TENM2: variants seen among roughly 807,000 people sequenced by gnomAD.
The protein encoded by TENM2 is teneurin-2.
A neutral mutation model predicts 245.2 loss-of-function variants in TENM2; 52 were observed. The ratio of observed to expected loss-of-function variants is 0.21; its 90% CI spans 0.17 to 0.27. The LOEUF (loss-of-function observed/expected upper bound fraction) is 0.27. TENM2 is among the 10% of genes least tolerant of loss of function. The probability of loss-of-function intolerance (pLI) is 1.00; values close to 1 mark genes in which losing one functional copy is unlikely to be tolerated. For missense variants in TENM2, 3,046 were observed against 3,666.8 expected (o/e 0.83, Z 4.37); for synonymous variants, 1,363 against 1,438.9 (o/e 0.95, Z 1.19).
At chr5:167,836,383 T>G (rs918538375) in intron 2 of TENM2, among the ~76,000 whole-genome samples, 1 of 152,228 alleles carries the variant, frequency 6.6e-6, no homozygotes, top group Non-Finnish European at 1.5e-5. Context: ...TGGAAACATC[T>G]AAGACCACTT....
At chr5:167,644,824 C>T (rs1486941973) in intron 2 of TENM2, among the ~76,000 whole-genome samples, 4 of 152,270 alleles carry the variant, frequency 2.6e-5, no homozygotes, top group East Asian at 3.9e-4. Flanking sequence ...TACTCAGTGA[C>T]GTACAGTCAT....
chr5:167,756,500 GT>G (rs1354481469), intron 2 of TENM2, among the ~76,000 whole-genome samples: 4 of 152,098 alleles, frequency 2.6e-5, no homozygotes, highest in African/African-American at 9.7e-5. Flanking sequence ...CAAAGTGATG[GT>G]TCCACAGTGG....
chr5:167,143,410 A>AT, the TENM2 span, among the ~76,000 whole-genome samples: 1 of 152,084 alleles, frequency 6.6e-6, no homozygotes, highest in Non-Finnish European at 1.5e-5. Flanking sequence ...GGATGCCTGT[A>AT]TTTTATCTTC....
chr5:167,258,581 C>A, the TENM2 span, among the ~76,000 whole-genome samples: 5 of 151,970 alleles, frequency 3.3e-5, no homozygotes, highest in Non-Finnish European at 7.4e-5. Context: ...TTTTGAACAT[C>A]CTTATTTAGA....
rs1171642996 is a variant in TENM2 at position 168,247,391 on chromosome 5, G to C, written c.6452G>C (p.Ser2151Thr). ...ATCACCACTGCCGTGATGACCCTCA[G>C]CAAACACTTCGACACCCATGGGCGG... Residue 2151 changes from serine to threonine, a missense_variant, in exon 27 of 29, where the codon AGC becomes ACC. Transcript: ENST00000518659. This position sits in a 1 kb window ranked among gnomAD's most constrained non-coding sequence, Gnocchi z 7.8. 1.2e-6 allele frequency: 2 copies of C among 1,613,938 alleles called. No homozygotes were observed. The highest frequency in any genetic ancestry group is 1.7e-6 in the Non-Finnish European group (2 of 1,179,888).
At chr5:167,738,362 TG>T (rs1464645909) in intron 2 of TENM2, among the ~76,000 whole-genome samples, 1 of 152,208 alleles carries the variant, frequency 6.6e-6, no homozygotes, top group African/African-American at 2.4e-5. Flanking sequence ...TCTCACCTCC[TG>T]GAAGAGTGAC....
chr5:167,482,735 G>A (rs1767834179), intron 2 of TENM2, among the ~76,000 whole-genome samples: 1 of 152,156 alleles, frequency 6.6e-6, no homozygotes, highest in Non-Finnish European at 1.5e-5. Flanking sequence ...TGTGACTTAA[G>A]TCATTAAGCT....
At chr5:167,013,976 C>T in the TENM2 span, among the ~76,000 whole-genome samples, 1 of 151,992 alleles carries the variant, frequency 6.6e-6, no homozygotes, top group Non-Finnish European at 1.5e-5. Context: ...TTGTGAAACA[C>T]CAAGGCCATC....
intron 5 of TENM2, among the ~76,000 whole-genome samples, chr5:168,003,301 G>GAA (rs72452959): frequency 7.1e-5 from 8 of 112,936 alleles, no homozygotes; most frequent in South Asian, 3.0e-4. Context: ...AAGTTTTTAA[G>GAA]AAAAAACACA....
chr5:167,150,859 A>C, the TENM2 span, among the ~76,000 whole-genome samples: 1 of 152,352 alleles, frequency 6.6e-6, no homozygotes, highest in African/African-American at 2.4e-5. Flanking sequence ...CCAATATCTT[A>C]TGATTACAAT....
intron 2 of TENM2, among the ~76,000 whole-genome samples, chr5:167,803,964 A>G (rs1765964223): frequency 1.3e-5 from 2 of 152,132 alleles, no homozygotes; most frequent in Non-Finnish European, 2.9e-5. Context: ...GAAATTTTCA[A>G]TTTCAAAATA....
chr5:167,570,140 C>T (rs764266533), intron 2 of TENM2, among the ~76,000 whole-genome samples: 13 of 152,176 alleles, frequency 8.5e-5, no homozygotes, highest in African/African-American at 2.9e-4. Flanking sequence ...TCAGGCTGGG[C>T]GGACAGTAAG....
chr5:166,991,172 T>A, the TENM2 span, among the ~76,000 whole-genome samples: 1 of 146,444 alleles, frequency 6.8e-6, no homozygotes, highest in Non-Finnish European at 1.5e-5. Flanking sequence ...TGTTTTGATT[T>A]TTTTTTTTTT....
intron 1 of TENM2, among the ~76,000 whole-genome samples, chr5:167,302,799 A>G (rs1281642231): frequency 6.6e-6 from 1 of 152,152 alleles, no homozygotes; most frequent in Admixed American, 6.5e-5. Context: ...CCCCTCCCCC[A>G]GAAAAGCGGG....
the TENM2 span, among the ~76,000 whole-genome samples, chr5:167,237,900 A>G: frequency 6.6e-6 from 1 of 151,076 alleles, no homozygotes; most frequent in Non-Finnish European, 1.5e-5. Flanking sequence ...AATCCCAGCT[A>G]CTCAGGAGGC....
intron 2 of TENM2, among the ~76,000 whole-genome samples, chr5:167,519,352 G>T (rs1770606400): frequency 6.6e-6 from 1 of 152,030 alleles, no homozygotes; most frequent in Non-Finnish European, 1.5e-5. Context: ...GATCAATTAA[G>T]GTCTTTGATT....
intron 4 of TENM2, among the ~76,000 whole-genome samples, chr5:167,979,428 A>G (rs1199457645): frequency 1.3e-5 from 2 of 152,170 alleles, no homozygotes; most frequent in Non-Finnish European, 2.9e-5. Flanking sequence ...ACGTACATTT[A>G]CCAAAAATTC....
the TENM2 span, among the ~76,000 whole-genome samples, chr5:167,013,521 C>T: frequency 3.3e-5 from 5 of 152,054 alleles, no homozygotes; most frequent in East Asian, 5.8e-4. Flanking sequence ...CCCTGGTCAA[C>T]GTGGTGAAAC....
At chr5:167,343,972 C>T (rs780116297) in intron 1 of TENM2, among the ~76,000 whole-genome samples, 11 of 151,670 alleles carry the variant, frequency 7.3e-5, no homozygotes, top group Non-Finnish European at 1.6e-4. Flanking sequence ...AAAACTCTCT[C>T]CTCTAACTAA....
Sources: allele counts gnomAD v4.1 joint callset (sites outside exome capture counted in the v4.1 genomes callset), GRCh38; gene constraint gnomAD v4.1.1; non-coding constraint Gnocchi (gnomAD v3.1); transcripts MANE v1.5; gene names NCBI Gene and HGNC (gene_info 2026-07-23, HGNC 2026-07-21).